Variants in GFRA1 observed in about 807,000 individuals in gnomAD.
GFRA1 encodes the protein GDNF family receptor alpha-1.
Under a neutral mutation model 51.6 loss-of-function variants are expected in GFRA1, and 16 were observed. That is an observed-to-expected ratio of 0.31 (90% CI 0.21 to 0.47). The LOEUF (loss-of-function observed/expected upper bound fraction) is 0.47. Among genes scored for constraint, GFRA1 ranks in the 20% least tolerant of loss-of-function variants. The pLI, the probability that GFRA1 is intolerant of heterozygous loss-of-function variation, is 1.00. For synonymous variants in GFRA1, 270 were observed against 241.3 expected (o/e 1.12, Z -1.10); for missense variants, 530 against 594.3 (o/e 0.89, Z 1.13).
At chr10:116,232,347 G>A (rs1016195976) in intron 4 of GFRA1, among the ~76,000 whole-genome samples, 2 of 152,148 alleles carry the variant, frequency 1.3e-5, no homozygotes, top group African/African-American at 4.8e-5. Context: ...TAAAAGATGA[G>A]TATTTTAGTG....
At chr10:116,116,023 C>G (rs1193936441) in intron 6 of GFRA1, among the ~76,000 whole-genome samples, 2 of 152,212 alleles carry the variant, frequency 1.3e-5, no homozygotes, top group African/African-American at 2.4e-5. Flanking sequence ...CCCACCTCCT[C>G]TTCTTCACGT....
At chr10:116,243,514 G>GA (rs1455983843) in intron 4 of GFRA1, among the ~76,000 whole-genome samples, 172 of 119,934 alleles carry the variant, frequency 1.4e-3, no homozygotes, top group African/African-American at 5.0e-3. Flanking sequence ...AAAAAGAAAA[G>GA]AAAAAAGAGA....
intron 4 of GFRA1, among the ~76,000 whole-genome samples, chr10:116,243,003 A>G (rs1028847636): frequency 2.6e-5 from 4 of 152,170 alleles, no homozygotes; most frequent in Non-Finnish European, 1.5e-5. Flanking sequence ...CCTTCCAAAT[A>G]TCACTTGTTT....
chr10:116,086,867 G>C (rs1407631196), intron 9 of GFRA1, among the ~76,000 whole-genome samples: 1 of 152,196 alleles, frequency 6.6e-6, no homozygotes, highest in Non-Finnish European at 1.5e-5. Flanking sequence ...ACCCAGGCCA[G>C]AGTGCAGTGG....
chr10:116,114,591 C>T (rs1957337963), intron 6 of GFRA1, among the ~76,000 whole-genome samples: 1 of 152,114 alleles, frequency 6.6e-6, no homozygotes, highest in Non-Finnish European at 1.5e-5. Flanking sequence ...GAGAGAGGGT[C>T]TTGCTGTGTA....
At chr10:116,172,069 C>T (rs1166500342) in intron 5 of GFRA1, among the ~76,000 whole-genome samples, 2 of 152,142 alleles carry the variant, frequency 1.3e-5, no homozygotes, top group South Asian at 2.1e-4. Context: ...CGGTGTTTAC[C>T]CTCAGCCCTG....
intron 4 of GFRA1, among the ~76,000 whole-genome samples, chr10:116,269,213 G>C (rs1445176014): frequency 6.6e-6 from 1 of 151,562 alleles, no homozygotes; most frequent in East Asian, 1.9e-4. Flanking sequence ...CCCTTTGCAA[G>C]AGATGGCCAA....
chr10:116,157,099 CTT>C (rs1959226066), intron 5 of GFRA1, among the ~76,000 whole-genome samples: 1 of 152,170 alleles, frequency 6.6e-6, no homozygotes, highest in South Asian at 2.1e-4. Flanking sequence ...TGAAAAGGTG[CTT>C]TTAAACATTA....
chr10:116,236,515 G>C (rs982714918), intron 4 of GFRA1, among the ~76,000 whole-genome samples: 1 of 152,158 alleles, frequency 6.6e-6, no homozygotes, highest in East Asian at 1.9e-4. Flanking sequence ...GGCGATCTGA[G>C]AAAAAACAGA....
At chr10:116,145,518 C>A (rs1046975380) in intron 5 of GFRA1, among the ~76,000 whole-genome samples, 2 of 152,160 alleles carry the variant, frequency 1.3e-5, no homozygotes, top group African/African-American at 2.4e-5. Flanking sequence ...ACTATTTTCA[C>A]TGGTTGCATT....
At chr10:116,211,796 T>C (rs1965216102) in intron 4 of GFRA1, among the ~76,000 whole-genome samples, 151 bp from the exon 5 acceptor site, 1 of 152,196 alleles carries the variant, frequency 6.6e-6, no homozygotes, top group Admixed American at 6.5e-5. Flanking sequence ...CAGGAGGCAG[T>C]GCTTAAGAGC....
At chr10:116,255,783 C>T (rs1367524477) in intron 4 of GFRA1, 1 of 1,275,802 alleles carries the variant, frequency 7.8e-7, no homozygotes, top group Non-Finnish European at 1.0e-6. Flanking sequence ...ACCATCTCCC[C>T]AGCAGCTAGC....
chr10:116,096,677 G>A lies in GFRA1; in HGVS notation c.858C>T (p.Leu286=). ...SCLKENYADC[L]LAYSGLIGTV... is the part of the protein sequence containing the mutation. The stretch of plus-strand genomic sequence containing the variant: ...TACCAATAAGCCCCGAGTAGGCGAG[G>A]AGGCAGTCAGCGTAGTTTTCCTTTA... Residue 286 remains leucine, a synonymous_variant, in exon 7 of 11, where the codon CTC becomes CTT. Transcript: ENST00000355422. The A allele has an allele frequency of 6.2e-7, 1 of 1,603,088 alleles. No homozygotes were observed.
intron 8 of GFRA1, among the ~76,000 whole-genome samples, chr10:116,090,833 A>G (rs1024117138): frequency 2.6e-5 from 4 of 152,150 alleles, no homozygotes; most frequent in Non-Finnish European, 5.9e-5. Context: ...ATTTTTCTAT[A>G]TACAAGACAG....
intron 5 of GFRA1, among the ~76,000 whole-genome samples, chr10:116,131,282 C>T (rs951681432): frequency 6.6e-6 from 1 of 152,152 alleles, no homozygotes; most frequent in Admixed American, 6.5e-5. Context: ...ATGTGATGTT[C>T]CTAGAATTCT....
chr10:116,074,667 G>A (rs368703666), intron 9 of GFRA1, among the ~76,000 whole-genome samples: 1 of 152,142 alleles, frequency 6.6e-6, no homozygotes, highest in Non-Finnish European at 1.5e-5. Context: ...CCAAAATGTC[G>A]ACTCAGTGCC....
intron 9 of GFRA1, among the ~76,000 whole-genome samples, chr10:116,071,273 G>A (rs1955379432): frequency 6.6e-6 from 1 of 152,130 alleles, no homozygotes; most frequent in Admixed American, 6.5e-5. Flanking sequence ...CCCTGAAGAT[G>A]CTTTGTCTCT....
At chr10:116,186,863 C>A (rs542096350) in intron 5 of GFRA1, among the ~76,000 whole-genome samples, 1 of 152,290 alleles carries the variant, frequency 6.6e-6, no homozygotes, top group South Asian at 2.1e-4. Flanking sequence ...CCGGCCCTTG[C>A]GAGCTTGAAA....
intron 6 of GFRA1, among the ~76,000 whole-genome samples, chr10:116,101,522 C>T (rs373560808): frequency 5.9e-5 from 9 of 152,042 alleles, no homozygotes; most frequent in Admixed American, 2.0e-4. Context: ...AAAGGAAGTA[C>T]GCTGCTAATT....
Sources: gnomAD v4.1 joint callset for allele counts (sites outside exome capture counted in the v4.1 genomes callset) on GRCh38, gnomAD v4.1.1 for gene constraint, MANE v1.5 for transcripts, NCBI Gene and HGNC (gene_info 2026-07-23, HGNC 2026-07-21) for gene names.